Variants in BNC2 observed in about 807,000 individuals in gnomAD.
BNC2 encodes the protein zinc finger protein basonuclin-2.
Under a neutral mutation model 76.3 loss-of-function variants are expected in BNC2, and 20 were observed. That is an observed-to-expected ratio of 0.26 (90% CI 0.18 to 0.38). The LOEUF (loss-of-function observed/expected upper bound fraction) is 0.38. Among genes scored for constraint, BNC2 ranks in the 10% least tolerant of loss-of-function variants. BNC2 has a pLI of 1.00. For synonymous variants in BNC2, 582 were observed against 514.8 expected (o/e 1.13, Z -1.77); for missense variants, 1,382 against 1,399.8 (o/e 0.99, Z 0.20).
chr9:16,812,461 G>A (rs1160605963), intron 1 of BNC2, among the ~76,000 whole-genome samples: 2 of 152,200 alleles, frequency 1.3e-5, no homozygotes, highest in Non-Finnish European at 2.9e-5. Context: ...CCCCAAGCTC[G>A]AGGTGCAGGT....
At chr9:16,464,079 G>A (rs1449579854) in intron 5 of BNC2, among the ~76,000 whole-genome samples, 1 of 117,956 alleles carries the variant, frequency 8.5e-6, no homozygotes, top group African/African-American at 3.3e-5. Flanking sequence ...AGGAGACAGG[G>A]CAAGACCCTG....
chr9:16,457,151 A>G (rs1821469321), intron 5 of BNC2, among the ~76,000 whole-genome samples: 1 of 152,228 alleles, frequency 6.6e-6, no homozygotes. Flanking sequence ...TTATATTCCA[A>G]AAATATTCAC....
chr9:16,524,582 AT>A (rs1346307443), intron 5 of BNC2, among the ~76,000 whole-genome samples: 2 of 152,226 alleles, frequency 1.3e-5, no homozygotes, highest in African/African-American at 4.8e-5. Context: ...TATTTGCTAA[AT>A]AGGACTCTGA....
chr9:16,729,961 C>A (rs13296274), intron 2 of BNC2, among the ~76,000 whole-genome samples: 65,673 of 151,702 alleles, frequency 0.43, 18,454 homozygotes, highest in Non-Finnish European at 0.64. Flanking sequence ...GTGTTTTTGC[C>A]TGTGTTCTCT....
At chr9:16,493,202 G>C (rs1343671431) in intron 5 of BNC2, among the ~76,000 whole-genome samples, 1 of 152,146 alleles carries the variant, frequency 6.6e-6, no homozygotes, top group Non-Finnish European at 1.5e-5. Context: ...ACTGATCTGT[G>C]TTTCTCAGAA....
chr9:16,619,122 T>C (rs1369532487), intron 3 of BNC2, among the ~76,000 whole-genome samples: 1 of 151,902 alleles, frequency 6.6e-6, no homozygotes, highest in Non-Finnish European at 1.5e-5. Context: ...AGAGAATAAT[T>C]CAAGAAAATT....
intron 5 of BNC2, among the ~76,000 whole-genome samples, chr9:16,472,266 C>T (rs1821842265): frequency 6.6e-6 from 1 of 152,170 alleles, no homozygotes; most frequent in African/African-American, 2.4e-5. Context: ...TTCTCCTTCC[C>T]CTCTCACTTC....
At chr9:16,433,006 TAAC>T (rs763880855) in intron 6 of BNC2, among the ~76,000 whole-genome samples, 5 of 152,062 alleles carry the variant, frequency 3.3e-5, no homozygotes, top group Non-Finnish European at 5.9e-5. Context: ...ATTGACAAAA[TAAC>T]AATAAAAGGC....
intron 5 of BNC2, among the ~76,000 whole-genome samples, chr9:16,540,255 T>G (rs1458369758): frequency 6.6e-6 from 1 of 150,800 alleles, no homozygotes; most frequent in African/African-American, 2.4e-5. Flanking sequence ...AGCAAATATC[T>G]GCATATAAAA....
chr9:16,670,420 T>A (rs1228061837), intron 3 of BNC2, among the ~76,000 whole-genome samples: 1 of 152,166 alleles, frequency 6.6e-6, no homozygotes, highest in East Asian at 1.9e-4. Flanking sequence ...GCTCAAGTCA[T>A]CTTCCCACCT....
chr9:16,436,412 G>A lies in BNC2; in HGVS notation c.1782C>T (p.Ile594=), dbSNP rs1485432703. 6.2e-7 allele frequency: 1 copy of A among 1,614,160 alleles called. No individual in the cohort carries two copies. Among genetic ancestry groups the A allele is most frequent in the East Asian group, 2.2e-5 (1 of 44,866 alleles). Residue 594 remains isoleucine (I), a synonymous_variant, in exon 6 of 7, where the codon ATC becomes ATT. Coordinates refer to ENST00000380672, the MANE Select transcript of BNC2 (RefSeq NM_017637.6). ...SPPTSLPTSP[I]IPTSGTIEQH... is the part of the protein sequence containing the mutation. ...GCTCTATGGTACCACTGGTTGGAAT[G>A]ATGGGACTGGTTGGGAGGGAGGTTG...
Position 16,829,925 on chromosome 9 carries a change from T to C in BNC2, c.3+40721A>G, listed in dbSNP as rs1044816120. ...ACACTATAGGACACAAACCACCTACTTGTGCATGAATCCACCACATTTTAA... is the reference window on the plus strand; with the variant it reads ...ACACTATAGGACACAAACCACCTACCTGTGCATGAATCCACCACATTTTAA... On this transcript the variant is annotated intron_variant, in intron 1 of 6. Coordinates refer to ENST00000380672, the MANE Select transcript of BNC2 (RefSeq NM_017637.6). Among the ~76,000 whole-genome samples the C allele has an allele frequency of 3.3e-5, 5 of 152,226 alleles. No individual in the cohort carries two copies. In the South Asian group the frequency reaches 6.2e-4, roughly 19 times the overall value.
intron 3 of BNC2, among the ~76,000 whole-genome samples, chr9:16,701,228 A>G (rs931814064): frequency 2.6e-5 from 4 of 152,214 alleles, no homozygotes; most frequent in Admixed American, 6.5e-5. Flanking sequence ...ATAAAATTTA[A>G]TTTGAAAGGA....
At chr9:16,478,406 G>A (rs1821973163) in intron 5 of BNC2, among the ~76,000 whole-genome samples, 1 of 152,200 alleles carries the variant, frequency 6.6e-6, no homozygotes, top group South Asian at 2.1e-4. Context: ...GATCTGTGAA[G>A]AAGGAGATAA....
In BNC2 at chr9:16,619,230, A is replaced by G. The variant is rs1234676889; in HGVS notation, c.331-36145T>C. ...AATATTCACAGAAAAATAAATATGT[A>G]CACCATCAATGTTTTTCTCAAGAAT... is the stretch of plus-strand genomic sequence containing the variant. On this transcript the variant is annotated intron_variant, in intron 3 of 6. Transcript: ENST00000380672. Among the ~76,000 whole-genome samples the G allele has an allele frequency of 5.3e-5, 8 of 152,220 alleles. No homozygotes were observed. The East Asian group carries it at 1.5e-3, about 29-fold the overall frequency.
intron 3 of BNC2, among the ~76,000 whole-genome samples, chr9:16,631,392 C>T (rs1821155767): frequency 1.3e-5 from 2 of 152,272 alleles, no homozygotes; most frequent in Middle Eastern, 3.4e-3. Context: ...TGCCCTGTAG[C>T]GCACAGTCCA....
chr9:16,755,913 C>T (rs1333338724), intron 1 of BNC2, among the ~76,000 whole-genome samples: 1 of 152,162 alleles, frequency 6.6e-6, no homozygotes, highest in Non-Finnish European at 1.5e-5. Context: ...CTTACTCTAA[C>T]CTTTGGAACA....
intron 6 of BNC2, among the ~76,000 whole-genome samples, chr9:16,431,817 T>G (rs1210586671): frequency 6.6e-6 from 1 of 152,068 alleles, no homozygotes; most frequent in African/African-American, 2.4e-5. Flanking sequence ...TCATAAGGAG[T>G]ACGCAGCCTA....
At chr9:16,685,381 C>A (rs1822944193) in intron 3 of BNC2, among the ~76,000 whole-genome samples, 1 of 152,248 alleles carries the variant, frequency 6.6e-6, no homozygotes, top group South Asian at 2.1e-4. Context: ...ACAGACAACG[C>A]ATCCTGAAAA....
Sources: gnomAD v4.1 joint callset for allele counts (sites outside exome capture counted in the v4.1 genomes callset) on GRCh38, gnomAD v4.1.1 for gene constraint, MANE v1.5 for transcripts, NCBI Gene and HGNC (gene_info 2026-07-23, HGNC 2026-07-21) for gene names.